Variants in DCLK3 observed in about 807,000 individuals in gnomAD.
DCLK3 encodes the protein serine/threonine-protein kinase DCLK3.
A neutral mutation model predicts 46.4 loss-of-function variants in DCLK3; 30 were observed. That is an observed-to-expected ratio of 0.65 (90% CI 0.48 to 0.88). The LOEUF (loss-of-function observed/expected upper bound fraction) is 0.88, where lower values mean the gene tolerates loss of function less well. Among genes scored for constraint, DCLK3 ranks in the 40% least tolerant of loss-of-function variants. The pLI is 0.00. For missense variants in DCLK3, 846 were observed against 907.1 expected (o/e 0.93, Z 0.87); for synonymous variants, 401 against 339.2 (o/e 1.18, Z -2.00).
At chr3:36,750,469 C>T (rs1489859086) in intron 1 of DCLK3, among the ~76,000 whole-genome samples, 2 of 152,140 alleles carry the variant, frequency 1.3e-5, no homozygotes, top group Non-Finnish European at 2.9e-5. Flanking sequence ...TTTACATCCA[C>T]CAGACTAAGA....
intron 1 of DCLK3, among the ~76,000 whole-genome samples, chr3:36,756,787 TG>T (rs1701488765): frequency 6.6e-6 from 1 of 151,848 alleles, no homozygotes; most frequent in African/African-American, 2.4e-5. Flanking sequence ...CCTGCTAGTC[TG>T]GGGGGATTCT....
At chr3:36,744,442 G>A (rs1432776738) in intron 1 of DCLK3, among the ~76,000 whole-genome samples, 2 of 152,226 alleles carry the variant, frequency 1.3e-5, no homozygotes, top group African/African-American at 4.8e-5. Context: ...CGTTGCTTCA[G>A]GTTGAGAAAG....
intron 2 of DCLK3, among the ~76,000 whole-genome samples, chr3:36,727,211 C>A (rs981230845): frequency 1.3e-5 from 2 of 152,156 alleles, no homozygotes; most frequent in African/African-American, 4.8e-5. Context: ...ATCACTTGAA[C>A]CCCGGAGATG....
intron 1 of DCLK3, among the ~76,000 whole-genome samples, chr3:36,747,819 G>C (rs1479453895): frequency 1.3e-5 from 2 of 152,176 alleles, no homozygotes; most frequent in Non-Finnish European, 2.9e-5. Flanking sequence ...AGCAGCATCA[G>C]TATCACCTGG....
chr3:36,736,743 C>T (rs1465312644), intron 2 of DCLK3, among the ~76,000 whole-genome samples: 1 of 152,202 alleles, frequency 6.6e-6, no homozygotes, highest in Non-Finnish European at 1.5e-5. Flanking sequence ...CTCATCGGCA[C>T]TCCTTACACA....
rs757610264 is a variant in DCLK3, at chr3:36,737,379, G to A, written c.1788C>T (p.Ile596=). The A allele has an allele frequency of 6.2e-7, 1 of 1,614,194 alleles. No individual in the cohort carries two copies. The highest frequency in any genetic ancestry group is 8.5e-7 in the Non-Finnish European group (1 of 1,180,038). ...CCTGCACGTACTCCAGGATCAGGTA[G>A]ATTTCCATGTCTGTTTCGTAGACTT... ...LHEVYETDME[I]YLILEYVQGG... Residue 596 remains isoleucine (I), a synonymous_variant, in exon 2 of 5, where the codon ATC becomes ATT. Transcript: ENST00000636136. This position sits in a 1 kb window ranked among gnomAD's most constrained non-coding sequence, Gnocchi z 4.4.
chr3:36,728,936 C>CCTGTGAG (rs1329372749), intron 2 of DCLK3, among the ~76,000 whole-genome samples: 1 of 152,170 alleles, frequency 6.6e-6, no homozygotes, highest in East Asian at 1.9e-4. Flanking sequence ...ATCAGCATCT[C>CCTGTGAG]CTGTGAGCTG....
chr3:36,720,025 A>T (rs1180969128), intron 3 of DCLK3, among the ~76,000 whole-genome samples: 1 of 152,182 alleles, frequency 6.6e-6, no homozygotes, highest in African/African-American at 2.4e-5. Context: ...GTCCCCTCCA[A>T]ATCTCATGTT....
At position 36,764,156 on chromosome 3, in the gene DCLK3, T is replaced by A. The variant is rs1575150391; in HGVS notation, c.82+26A>T. 3.0e-6 allele frequency: 1 copy of A among 328,346 alleles called. No homozygotes were observed. The highest frequency in any genetic ancestry group is 1.4e-4 in the South Asian group (1 of 7,174). The allele number at this position is 328,346 out of a possible 1,614,324, so 20.3% of individuals were successfully genotyped here. Reference sequence around the variant, plus strand: ...CCGCCAAGGTGGCGCCCAGAACGGGTCGGTGCCGGAGCGCACGGTACTCAC... The same window carrying A: ...CCGCCAAGGTGGCGCCCAGAACGGGACGGTGCCGGAGCGCACGGTACTCAC... On this transcript the variant is annotated intron_variant, in intron 1 of 4. Transcript: ENST00000636136. The surrounding 1 kb of genome is among the most constrained non-coding windows in gnomAD (Gnocchi z 4.9).
chr3:36,758,134 T>C (rs893279297), intron 1 of DCLK3, among the ~76,000 whole-genome samples: 2 of 152,238 alleles, frequency 1.3e-5, no homozygotes, highest in Admixed American at 1.3e-4. Context: ...TCCAGCTGTT[T>C]CTCAAATTCC....
chr3:36,728,620 C>A (rs960692776), intron 2 of DCLK3, among the ~76,000 whole-genome samples: 1 of 152,184 alleles, frequency 6.6e-6, no homozygotes, highest in Admixed American at 6.5e-5. Flanking sequence ...ATACCAGTAA[C>A]CCCTGGGTTC....
rs1260459838 is a variant in DCLK3, at chr3:36,715,349, C to T, written c.2433G>A (p.Arg811=). The T allele has an allele frequency of 6.2e-7, 1 of 1,614,044 alleles. No homozygotes were observed. Among genetic ancestry groups the T allele is most frequent in the East Asian group, 2.2e-5 (1 of 44,900 alleles). Residue 811 remains arginine, a synonymous_variant, in exon 5 of 5, where the codon AGG becomes AGA. Transcript: ENST00000636136. ...GTGACTATGATACCTGCTCCACAAC[C>T]CTCTTGTGCTGGCTCCGGAAGTGAC... ...SEGHFRSQHK[R]VVEQVS
At chr3:36,726,042 A>C (rs1163206586) in intron 2 of DCLK3, among the ~76,000 whole-genome samples, 2 of 152,208 alleles carry the variant, frequency 1.3e-5, no homozygotes, top group African/African-American at 4.8e-5. Flanking sequence ...TAATCACAAG[A>C]GGTAAGTGTG....
At chr3:36,718,536 C>T (rs969335992) in intron 3 of DCLK3, among the ~76,000 whole-genome samples, 2 of 152,238 alleles carry the variant, frequency 1.3e-5, no homozygotes, top group East Asian at 1.9e-4. Flanking sequence ...TTGAACAGCA[C>T]ATACATCAGT....
chr3:36,745,206 T>C (rs995083113), intron 1 of DCLK3, among the ~76,000 whole-genome samples: 1 of 152,174 alleles, frequency 6.6e-6, no homozygotes, highest in African/African-American at 2.4e-5. Flanking sequence ...TCTTTTATAT[T>C]GTCTTTTTAA....
intron 2 of DCLK3, among the ~76,000 whole-genome samples, chr3:36,731,770 C>T (rs1329062781): frequency 1.3e-5 from 2 of 152,156 alleles, no homozygotes; most frequent in Non-Finnish European, 2.9e-5. Flanking sequence ...TCATCTCTTG[C>T]TGGGACCATG....
intron 2 of DCLK3, 36 bp from the exon 3 acceptor site, chr3:36,721,695 G>T (rs776512376): frequency 2.5e-6 from 4 of 1,613,546 alleles, no homozygotes; most frequent in Non-Finnish European, 3.4e-6. Flanking sequence ...CACCAAAATT[G>T]TGATTAGAAC....
rs72859370 is a variant in DCLK3 at position 36,722,806 on chromosome 3, G to A, written c.1960-1147C>T. 5.0e-4 allele frequency among the ~76,000 whole-genome samples: 76 copies of A among 152,238 alleles called. No homozygotes were observed. The Middle Eastern group carries it at 0.02, about 41-fold the overall frequency. On this transcript the variant is annotated intron_variant, in intron 2 of 4. Coordinates refer to ENST00000636136, the MANE Select transcript of DCLK3 (RefSeq NM_001394672.2). ...GCCTCCCCAGCCATGTGGAACCATA[G>A]TCCATTAAACTCCTTTTTTTCCTGG... is the stretch of plus-strand genomic sequence containing the variant.
chr3:36,718,697 C>T (rs1182061306), intron 3 of DCLK3, among the ~76,000 whole-genome samples: 1 of 152,190 alleles, frequency 6.6e-6, no homozygotes, highest in Admixed American at 6.5e-5. Context: ...TCTACACTAG[C>T]AATCTCTGCT....
Sources: allele counts gnomAD v4.1 joint callset (sites outside exome capture counted in the v4.1 genomes callset), GRCh38; gene constraint gnomAD v4.1.1; non-coding constraint Gnocchi (gnomAD v3.1); transcripts MANE v1.5; gene names NCBI Gene and HGNC (gene_info 2026-07-23, HGNC 2026-07-21).